The following PSMD14 variants were observed in gnomAD, a reference collection of about 807,000 sequenced individuals.
The protein encoded by PSMD14 is proteasome 26S subunit, non-ATPase 14, also known as ubiquitin C-terminal hydrolase PSMD14.
PSMD14 carries 7 observed loss-of-function variants against 41.2 expected under a neutral mutation model. The observed-to-expected ratio is 0.17, with a 90% CI of 0.10 to 0.32. PSMD14 has a LOEUF of 0.32. Ranked by LOEUF, PSMD14 falls within the 10% of genes least tolerant of loss-of-function variation. The probability of loss-of-function intolerance (pLI) is 1.00; values close to 1 mark genes in which losing one functional copy is unlikely to be tolerated. For synonymous variants in PSMD14, 114 were observed against 122.3 expected, an observed-to-expected ratio of 0.93 and a Z score of 0.45; for missense variants, 139 against 375.6, an observed-to-expected ratio of 0.37 and a Z score of 5.21.
intron 3 of PSMD14, among the ~76,000 whole-genome samples, chr2:161,353,056 G>C (rs1039244901): frequency 2.6e-5 from 4 of 152,064 alleles, no homozygotes; most frequent in Non-Finnish European, 4.4e-5. Context: ...AGAATATTTT[G>C]TTCTGAGAAC....
At chr2:161,409,236 GT>G (rs1183309930) in intron 11 of PSMD14, among the ~76,000 whole-genome samples, 1 of 152,056 alleles carries the variant, frequency 6.6e-6, no homozygotes. Context: ...TGTGTAACAA[GT>G]TTTGTTAATC....
chr2:161,328,241 T>C (rs191422486), intron 3 of PSMD14, among the ~76,000 whole-genome samples: 69 of 152,266 alleles, frequency 4.5e-4, no homozygotes, highest in Admixed American at 2.3e-3. Context: ...ATTGTTTGTA[T>C]ATTAAAAATT....
chr2:161,355,162 T>A (rs1352309318), intron 3 of PSMD14, among the ~76,000 whole-genome samples: 1 of 152,206 alleles, frequency 6.6e-6, no homozygotes, highest in African/African-American at 2.4e-5. Flanking sequence ...CTAATCAAAT[T>A]TTTAATAAAG....
At chr2:161,401,601 C>T (rs1370490881) in intron 10 of PSMD14, among the ~76,000 whole-genome samples, 1 of 152,156 alleles carries the variant, frequency 6.6e-6, no homozygotes, top group Non-Finnish European at 1.5e-5. Context: ...TTCCAACAAC[C>T]TTAACTACAG....
intron 3 of PSMD14, among the ~76,000 whole-genome samples, chr2:161,332,454 C>T (rs1313034020): frequency 1.3e-5 from 2 of 152,080 alleles, no homozygotes; most frequent in Admixed American, 1.3e-4. Context: ...TCTTGTTGTA[C>T]CTTGACTTGT....
intron 3 of PSMD14, among the ~76,000 whole-genome samples, chr2:161,328,725 G>C (rs1302267962): frequency 6.6e-6 from 1 of 151,990 alleles, no homozygotes; most frequent in Non-Finnish European, 1.5e-5. Flanking sequence ...AAATTTATAT[G>C]GTTATATCTA....
chr2:161,327,879 A>T (rs1216545168), intron 3 of PSMD14, among the ~76,000 whole-genome samples: 8 of 111,386 alleles, frequency 7.2e-5, no homozygotes, highest in Non-Finnish European at 1.3e-4. Flanking sequence ...TAGATTAGTT[A>T]AAAAACAAAC....
At chr2:161,406,492 T>C (rs1405088774) in intron 10 of PSMD14, among the ~76,000 whole-genome samples, 1 of 152,192 alleles carries the variant, frequency 6.6e-6, no homozygotes, top group East Asian at 1.9e-4. Flanking sequence ...ATTTCATTTG[T>C]TTCTGCTGCA....
intron 7 of PSMD14, among the ~76,000 whole-genome samples, chr2:161,379,350 A>G (rs961939434): frequency 6.6e-6 from 1 of 152,032 alleles, no homozygotes; most frequent in Admixed American, 6.6e-5. Flanking sequence ...TTGTGAGTGT[A>G]GAAACACCGA....
chr2:161,380,416 T>G (rs1189210910), intron 7 of PSMD14, among the ~76,000 whole-genome samples: 1 of 152,056 alleles, frequency 6.6e-6, no homozygotes, highest in East Asian at 1.9e-4. Context: ...GATCGATTTG[T>G]TTTCATTAAA....
At chr2:161,326,342 A>AT (rs1380538516) in intron 3 of PSMD14, among the ~76,000 whole-genome samples, 1 of 152,080 alleles carries the variant, frequency 6.6e-6, no homozygotes, top group Non-Finnish European at 1.5e-5. Flanking sequence ...AAACTTCATA[A>AT]TTTTTGCAGG....
At chr2:161,362,327 A>G (rs1683300404) in intron 3 of PSMD14, among the ~76,000 whole-genome samples, 1 of 152,198 alleles carries the variant, frequency 6.6e-6, no homozygotes, top group Admixed American at 6.5e-5. Flanking sequence ...CATATTGTAT[A>G]CTTCATTTCT....
chr2:161,362,862 T>A (rs1391178937), intron 3 of PSMD14, among the ~76,000 whole-genome samples: 1 of 152,240 alleles, frequency 6.6e-6, no homozygotes, highest in East Asian at 1.9e-4. Flanking sequence ...CATATGATGG[T>A]CCCAAAGGTG....
At chr2:161,340,734 T>C in intron 3 of PSMD14, 2 of 1,606,048 alleles carry the variant, frequency 1.2e-6, no homozygotes, top group East Asian at 2.2e-5. Context: ...CAGACTCCTC[T>C]CTGGGGTTTC....
intron 3 of PSMD14, among the ~76,000 whole-genome samples, chr2:161,362,258 T>A (rs1251692333): frequency 1.3e-4 from 4 of 30,276 alleles, no homozygotes; most frequent in African/African-American, 7.5e-4. Flanking sequence ...TAATTTATGT[T>A]TCCAGAATAG....
intron 10 of PSMD14, among the ~76,000 whole-genome samples, chr2:161,399,045 T>C (rs1271344726): frequency 6.6e-6 from 1 of 152,086 alleles, no homozygotes; most frequent in Admixed American, 6.6e-5. Context: ...AAAAATATAA[T>C]AGGCAAATCA....
intron 3 of PSMD14, among the ~76,000 whole-genome samples, chr2:161,346,490 C>T (rs747779395): frequency 2.0e-5 from 3 of 150,878 alleles, no homozygotes; most frequent in Non-Finnish European, 4.4e-5. Context: ...TGACTTATCT[C>T]CTTACTGTGG....
chr2:161,341,319 G>T (rs989600684), intron 3 of PSMD14: 102 of 1,017,440 alleles, frequency 1.0e-4, no homozygotes, highest in Non-Finnish European at 1.1e-4. Context: ...CTCGGCCGGC[G>T]CCTCCATCGC....
chr2:161,345,293 A>G (rs1457501629), intron 3 of PSMD14, among the ~76,000 whole-genome samples: 1 of 121,684 alleles, frequency 8.2e-6, no homozygotes, highest in Non-Finnish European at 1.6e-5. Context: ...CCCAGGCTGG[A>G]GTGCAGTGCC....
Sources: allele counts gnomAD v4.1 joint callset (sites outside exome capture counted in the v4.1 genomes callset), GRCh38; gene constraint gnomAD v4.1.1; transcripts MANE v1.5; gene names NCBI Gene and HGNC (gene_info 2026-07-23, HGNC 2026-07-21).